The following CTNNA3 variants were observed in gnomAD, a reference collection of about 807,000 sequenced individuals.
CTNNA3 encodes catenin alpha-3.
CTNNA3 carries 76 observed loss-of-function variants against 95.7 expected under a neutral mutation model. That is an observed-to-expected ratio of 0.79 (90% CI 0.66 to 0.96). The LOEUF is 0.96. CTNNA3 is among the 40% of genes least tolerant of loss of function. CTNNA3 has a pLI of 0.00. For synonymous variants in CTNNA3, 431 were observed against 374.4 expected (o/e 1.15, Z -1.74); for missense variants, 1,191 against 1,089.8 (o/e 1.09, Z -1.31).
intron 12 of CTNNA3, among the ~76,000 whole-genome samples, chr10:66,371,166 A>C (rs1589153052): frequency 1.3e-5 from 2 of 152,202 alleles, no homozygotes; most frequent in Non-Finnish European, 2.9e-5. Flanking sequence ...ATCACTCTAC[A>C]TTTGAACAAT....
chr10:67,435,430 C>T (rs575474796), intron 5 of CTNNA3, among the ~76,000 whole-genome samples: 28 of 152,128 alleles, frequency 1.8e-4, no homozygotes, highest in East Asian at 3.9e-4. Context: ...AATAGGCCCA[C>T]TCTCACTGCT....
intron 9 of CTNNA3, among the ~76,000 whole-genome samples, chr10:66,685,317 G>GTGTATA (rs1290588754): frequency 2.2e-5 from 1 of 44,498 alleles, no homozygotes; most frequent in African/African-American, 1.1e-4. Flanking sequence ...ATGTGTGTGT[G>GTGTATA]TATGTGTGTA....
At chr10:66,141,727 C>T (rs932992173) in intron 13 of CTNNA3, among the ~76,000 whole-genome samples, 3 of 151,788 alleles carry the variant, frequency 2.0e-5, no homozygotes, top group Non-Finnish European at 4.4e-5. Flanking sequence ...ACAAAATATC[C>T]CCAAAATAAC....
chr10:67,325,330 GTTAAC>G (rs1206418183), intron 5 of CTNNA3, among the ~76,000 whole-genome samples: 1 of 152,094 alleles, frequency 6.6e-6, no homozygotes, highest in African/African-American at 2.4e-5. Flanking sequence ...GTGTTAGGTT[GTTAAC>G]TTGACATCTT....
intron 15 of CTNNA3, among the ~76,000 whole-genome samples, chr10:66,001,131 A>G: frequency 6.6e-6 from 1 of 151,944 alleles, no homozygotes. Context: ...AAAATAAAAA[A>G]TATATATATA....
chr10:65,980,338 T>C (rs895387727), intron 16 of CTNNA3, among the ~76,000 whole-genome samples: 3 of 151,588 alleles, frequency 2.0e-5, no homozygotes, highest in African/African-American at 7.3e-5. Flanking sequence ...AATTTAAAAA[T>C]TGCCAACAAC....
chr10:67,393,018 G>T (rs1203796658), intron 5 of CTNNA3, among the ~76,000 whole-genome samples: 1 of 151,680 alleles, frequency 6.6e-6, no homozygotes, highest in Non-Finnish European at 1.5e-5. Flanking sequence ...TAACTAGCCT[G>T]CACAATGTAC....
At chr10:66,206,025 T>C (rs952385826) in intron 13 of CTNNA3, among the ~76,000 whole-genome samples, 2 of 151,950 alleles carry the variant, frequency 1.3e-5, no homozygotes, top group Non-Finnish European at 2.9e-5. Flanking sequence ...ACCCTCTAAT[T>C]TGACCAAAAA....
chr10:66,869,994 A>G (rs1260987102), intron 7 of CTNNA3, among the ~76,000 whole-genome samples: 4 of 152,164 alleles, frequency 2.6e-5, no homozygotes, highest in African/African-American at 9.7e-5. Flanking sequence ...CACTATATTC[A>G]CTTCTAACAT....
intron 11 of CTNNA3, among the ~76,000 whole-genome samples, chr10:66,383,103 T>C (rs1426564695): frequency 2.6e-5 from 4 of 152,118 alleles, no homozygotes; most frequent in Non-Finnish European, 5.9e-5. Context: ...CTTTGATGAG[T>C]TGACAGAAGT....
chr10:66,926,535 C>G, intron 7 of CTNNA3: 1 of 1,612,232 alleles, frequency 6.2e-7, no homozygotes. Context: ...GCAACTGGCC[C>G]CTAAGCCAAA....
intron 3 of CTNNA3, among the ~76,000 whole-genome samples, chr10:67,602,882 G>A (rs78642964): frequency 0.036 from 5,438 of 152,202 alleles, 98 homozygotes; most frequent in Middle Eastern, 0.078. Context: ...TTAATTTTCC[G>A]TAAAAGCAAA....
At chr10:67,192,540 C>T (rs1466657689) in intron 6 of CTNNA3, among the ~76,000 whole-genome samples, 1 of 151,846 alleles carries the variant, frequency 6.6e-6, no homozygotes, top group East Asian at 1.9e-4. Flanking sequence ...AAATGCAACT[C>T]AAAACCACAG....
chr10:67,131,355 G>T (rs1254449712), intron 7 of CTNNA3, among the ~76,000 whole-genome samples: 1 of 151,984 alleles, frequency 6.6e-6, no homozygotes, highest in Non-Finnish European at 1.5e-5. Context: ...ATACTCCATA[G>T]GATTGTTTTG....
At chr10:66,489,572 A>C (rs1352381862) in intron 11 of CTNNA3, among the ~76,000 whole-genome samples, 1 of 152,118 alleles carries the variant, frequency 6.6e-6, no homozygotes, top group Non-Finnish European at 1.5e-5. Context: ...GCGCATGCAC[A>C]CACACACTTG....
At chr10:66,609,816 C>T (rs1380070050) in intron 10 of CTNNA3, among the ~76,000 whole-genome samples, 2 of 152,094 alleles carry the variant, frequency 1.3e-5, no homozygotes, top group Non-Finnish European at 2.9e-5. Flanking sequence ...CATTGCAGCA[C>T]TATTCACCAT....
At chr10:67,353,447 T>C (rs905157904) in intron 5 of CTNNA3, among the ~76,000 whole-genome samples, 1 of 150,362 alleles carries the variant, frequency 6.7e-6, no homozygotes, top group Non-Finnish European at 1.5e-5. Flanking sequence ...TATTGTATTT[T>C]AAAAGTACCA....
At chr10:66,939,559 T>G (rs1163969215) in intron 7 of CTNNA3, among the ~76,000 whole-genome samples, 1 of 152,210 alleles carries the variant, frequency 6.6e-6, no homozygotes, top group Non-Finnish European at 1.5e-5. Flanking sequence ...TAAATTATAG[T>G]TTAATTTTAG....
chr10:67,610,303 T>C lies in CTNNA3; in HGVS notation c.100-3254A>G, dbSNP rs1285193433. 2.0e-5 allele frequency among the ~76,000 whole-genome samples: 3 copies of C among 152,224 alleles called. No homozygotes were observed. In the East Asian group the frequency reaches 5.8e-4, roughly 29 times the overall value. ...GAGAAGTAAGAAATGTGAAAAGAAC[T>C]TTGTATAAGAACATCATGCTTCCAT... On this transcript the variant is annotated intron_variant, in intron 2 of 17. Transcript: ENST00000433211.
Sources: allele counts gnomAD v4.1 joint callset (sites outside exome capture counted in the v4.1 genomes callset), GRCh38; gene constraint gnomAD v4.1.1; transcripts MANE v1.5; gene names NCBI Gene and HGNC (gene_info 2026-07-23, HGNC 2026-07-21).